RBM25: variants seen among roughly 807,000 people sequenced by gnomAD.
RBM25 encodes RNA binding motif protein 25, also known as RNA-binding protein 25.
Under a neutral mutation model 120.7 loss-of-function variants are expected in RBM25, and 19 were observed. The observed-to-expected ratio is 0.16, with a 90% CI of 0.11 to 0.23. RBM25 has a LOEUF of 0.23. RBM25 is among the 10% of genes least tolerant of loss of function. RBM25 has a pLI of 1.00. For missense variants in RBM25, 605 were observed against 1,041.5 expected, an observed-to-expected ratio of 0.58 and a Z score of 5.77; for synonymous variants, 390 against 326.7, an observed-to-expected ratio of 1.19 and a Z score of -2.09.
At chr14:73,084,121 C>T (rs934799176) in intron 5 of RBM25, among the ~76,000 whole-genome samples, 2 of 152,042 alleles carry the variant, frequency 1.3e-5, no homozygotes, top group Non-Finnish European at 2.9e-5. Context: ...TGGTCTCAAA[C>T]TCCTGACCTC....
At chr14:73,099,169 G>GT (rs1815900225) in intron 7 of RBM25, among the ~76,000 whole-genome samples, 2 of 152,276 alleles carry the variant, frequency 1.3e-5, no homozygotes, top group South Asian at 4.2e-4. Context: ...TTTCTTGGGG[G>GT]TGTTGGAGTA....
At chr14:73,066,818 A>T (rs1456055214) in intron 1 of RBM25, among the ~76,000 whole-genome samples, 1 of 152,188 alleles carries the variant, frequency 6.6e-6, no homozygotes, top group Non-Finnish European at 1.5e-5. Context: ...CATGTAGGTC[A>T]TGCTTTTCTG....
chr14:73,084,763 G>T (rs1228095560), intron 5 of RBM25, among the ~76,000 whole-genome samples: 1 of 151,610 alleles, frequency 6.6e-6, no homozygotes, highest in African/African-American at 2.4e-5. Context: ...TGTTGGTCAG[G>T]CTGCTCCTGA....
chr14:73,105,064 C>G (rs1292708731), intron 10 of RBM25, among the ~76,000 whole-genome samples: 4 of 149,164 alleles, frequency 2.7e-5, no homozygotes, highest in African/African-American at 9.8e-5. Context: ...CACACACACA[C>G]AGAGTTATTT....
intron 5 of RBM25, among the ~76,000 whole-genome samples, chr14:73,084,335 C>T: frequency 6.6e-6 from 1 of 152,118 alleles, no homozygotes; most frequent in East Asian, 1.9e-4. Context: ...AGCTAACTGG[C>T]CAGACTCTTA....
Position 73,087,207 on chromosome 14 carries a change from T to C in RBM25, c.383-794T>C, listed in dbSNP as rs555537695. Among the ~76,000 whole-genome samples, 4 of 152,314 alleles carry C rather than the reference T, an allele frequency of 2.6e-5. No individual in the cohort carries two copies. The East Asian group carries it at 7.7e-4, about 29-fold the overall frequency. ...TTTAATATTTCTGTTAAAGTCATCTTAATAGTGAGATTGACTAGTTATAAA... is the reference window on the plus strand; with the variant it reads ...TTTAATATTTCTGTTAAAGTCATCTCAATAGTGAGATTGACTAGTTATAAA... On this transcript the variant is annotated intron_variant, in intron 5 of 18. Coordinates refer to ENST00000261973, the MANE Select transcript of RBM25 (RefSeq NM_021239.3).
intron 5 of RBM25, among the ~76,000 whole-genome samples, chr14:73,086,563 T>C (rs77700037): frequency 0.076 from 11,498 of 152,218 alleles, 444 homozygotes; most frequent in Non-Finnish European, 0.09. Context: ...ATCTCCTTTT[T>C]CCCCACACTG....
intron 8 of RBM25, 49 bp from the exon 9 acceptor site, chr14:73,099,618 G>A (rs770181749): frequency 2.3e-5 from 37 of 1,588,222 alleles, no homozygotes; most frequent in Non-Finnish European, 4.3e-6. Flanking sequence ...TGTTTATATT[G>A]AAGTAGGGTG....
chr14:73,067,938 T>C (rs1241395038), intron 1 of RBM25, among the ~76,000 whole-genome samples: 24 of 152,184 alleles, frequency 1.6e-4, no homozygotes, highest in Admixed American at 1.6e-3. Context: ...TCTTAAAAAT[T>C]AAGATTTTGA....
chr14:73,116,322 G>A (rs1896426771), intron 18 of RBM25, among the ~76,000 whole-genome samples: 2 of 152,196 alleles, frequency 1.3e-5, no homozygotes. Flanking sequence ...AGCATGATAT[G>A]AAATGGTAGA....
At chr14:73,103,168 A>G (rs1169972615) in intron 9 of RBM25, 24 bp from the exon 10 acceptor site, 7 of 1,600,128 alleles carry the variant, frequency 4.4e-6, no homozygotes, top group Non-Finnish European at 6.0e-6. Context: ...AGTTAACTCT[A>G]AAAGTGCTTT....
intron 9 of RBM25, chr14:73,102,635 C>T (rs362424): frequency 0.07 from 10,596 of 152,408 alleles, 532 homozygotes; most frequent in South Asian, 0.19. Flanking sequence ...GTAAATGTTT[C>T]CATAGATGAT....
chr14:73,122,394 T>G lies in RBM25; in HGVS notation c.*2589T>G, dbSNP rs1317682737. Reference sequence around the variant, plus strand: ...GGGTTCTGGAGATATTCTGCTTCAGTTTTCTGAGTAGCTGGGATTACAGGT... The same window carrying G: ...GGGTTCTGGAGATATTCTGCTTCAGGTTTCTGAGTAGCTGGGATTACAGGT... On this transcript the variant is annotated 3_prime_UTR_variant, in exon 19 of 19. Coordinates refer to ENST00000261973, the MANE Select transcript of RBM25 (RefSeq NM_021239.3). 1 of 151,692 alleles carries G rather than the reference T, an allele frequency of 6.6e-6. No homozygotes were observed. The highest frequency in any genetic ancestry group is 1.5e-5 in the Non-Finnish European group (1 of 67,958). The allele number at this position is 151,692 out of a possible 1,614,324, so 9.4% of individuals were successfully genotyped here.
chr14:73,077,657 A>T, intron 4 of RBM25, 121 bp downstream of exon 4: 1 of 856,638 alleles, frequency 1.2e-6, no homozygotes, highest in South Asian at 1.9e-5. Flanking sequence ...CCTGCAGCAA[A>T]GGTGAAAAAG....
intron 9 of RBM25, 152 bp from the exon 10 acceptor site, chr14:73,103,040 T>G: frequency 1.4e-6 from 2 of 1,459,084 alleles, no homozygotes; most frequent in Non-Finnish European, 9.2e-7. Context: ...TGTGATTGCT[T>G]CAGTTTAATT....
At chr14:73,075,860 G>T (rs973707230) in intron 2 of RBM25, among the ~76,000 whole-genome samples, 3 of 150,306 alleles carry the variant, frequency 2.0e-5, no homozygotes, top group Non-Finnish European at 4.4e-5. Context: ...TGCCCAGGCA[G>T]ATCTCGATCT....
At chr14:73,062,417 C>T (rs1895025280) in intron 1 of RBM25, among the ~76,000 whole-genome samples, 1 of 151,222 alleles carries the variant, frequency 6.6e-6, no homozygotes, top group African/African-American at 2.4e-5. Context: ...AATCTCAGTT[C>T]ATTATCATTT....
chr14:73,060,462 A>G (rs1894978206), intron 1 of RBM25, among the ~76,000 whole-genome samples: 2 of 151,418 alleles, frequency 1.3e-5, no homozygotes, highest in Non-Finnish European at 3.0e-5. Context: ...TACTTTTCTT[A>G]TTTACACATG....
chr14:73,112,411 G>A (rs1896327479), intron 17 of RBM25, among the ~76,000 whole-genome samples, 161 bp downstream of exon 17: 1 of 62,918 alleles, frequency 1.6e-5, no homozygotes, highest in South Asian at 5.9e-4. Context: ...TATTTTTGGT[G>A]TGTTTTTTTT....
Sources: allele counts gnomAD v4.1 joint callset (sites outside exome capture counted in the v4.1 genomes callset), GRCh38; gene constraint gnomAD v4.1.1; transcripts MANE v1.5; gene names NCBI Gene and HGNC (gene_info 2026-07-23, HGNC 2026-07-21).